The following SHOX variants were observed in gnomAD, a reference collection of about 807,000 sequenced individuals.
SHOX encodes the protein SHOX homeobox.
In SHOX, 12 loss-of-function variants were observed where a neutral mutation model predicts 29.6. The observed-to-expected ratio is 0.41, with a 90% CI of 0.26 to 0.66. The LOEUF is 0.66. Ranked by LOEUF, SHOX falls within the 30% of genes least tolerant of loss-of-function variation. SHOX has a pLI of 0.35. For missense variants in SHOX, 499 were observed against 437.7 expected (o/e 1.14, Z -1.25); for synonymous variants, 214 against 200.6 (o/e 1.07, Z -0.57).
chrX:655,557 ACTCTCTCTCTGTCT>A (rs1387536582), downstream of SHOX, among the ~76,000 whole-genome samples: 5 of 107,994 alleles, frequency 4.6e-5, no homozygotes, highest in Admixed American at 9.6e-5. Context: ...AGCAAAAAGG[ACTCTCTCTCTGTCT>A]CTCTCTCTCT....
intron 1 of SHOX, among the ~76,000 whole-genome samples, chrX:633,380 G>A (rs2052682274): frequency 1.3e-5 from 2 of 151,790 alleles, no homozygotes; most frequent in African/African-American, 4.8e-5. Context: ...TTCACTTGGG[G>A]GGAAGGAATG....
intron 1 of SHOX, among the ~76,000 whole-genome samples, chrX:632,562 G>C (rs1276058601): frequency 6.6e-6 from 1 of 152,120 alleles, no homozygotes; most frequent in Non-Finnish European, 1.5e-5. Context: ...CCTGCTCTCC[G>C]GGGCCCTGCA....
chrX:631,083 C>T lies in SHOX; in HGVS notation c.186C>T (p.Gly62=), dbSNP rs1179735556. 6.2e-7 allele frequency: 1 copy of T among 1,613,610 alleles called. No individual in the cohort carries two copies. The highest frequency in any genetic ancestry group is 1.7e-5 in the Admixed American group (1 of 60,002). Residue 62 remains glycine (G), a synonymous_variant, in exon 1 of 5, where the codon GGC becomes GGT. Coordinates refer to ENST00000686671, the MANE Select transcript of SHOX (RefSeq NM_000451.4). ...CCAGCCTCCAGGACATCACGGAGGG[C>T]GGCGGCCACTGCCCGGTGCATTTGT... The part of the protein sequence containing the change: ...SDSSLQDITE[G]GGHCPVHLFK...
upstream of SHOX, chrX:630,541 C>T (rs1477401270): frequency 3.5e-5 from 15 of 426,476 alleles, no homozygotes; most frequent in South Asian, 1.0e-4. Flanking sequence ...GGCGCCTGCG[C>T]CCCCCTCCTG....
chrX:644,473 T>G lies in SHOX; in HGVS notation c.716T>G (p.Leu239Arg). ...HPHLAAHAPY[L>R]MFPPPPFGLP... Reference sequence around the variant, plus strand: ...CACCTGGCGGCGCACGCGCCCTACCTGATGTTCCCCCCGCCGCCCTTCGGG... The same window carrying G: ...CACCTGGCGGCGCACGCGCCCTACCGGATGTTCCCCCCGCCGCCCTTCGGG... The change falls in exon 5 of 5, where the codon CTG (leucine) becomes CGG (arginine). Residue 239 changes from leucine (L) to arginine (R), a missense_variant. Coordinates refer to ENST00000686671, the MANE Select transcript of SHOX (RefSeq NM_000451.4). The G allele has an allele frequency of 6.6e-7, 1 of 1,524,500 alleles. No homozygotes were observed. Among genetic ancestry groups the G allele is most frequent in the Non-Finnish European group, 8.7e-7 (1 of 1,143,356 alleles). The allele number at this position is 1,524,500 out of a possible 1,614,324, so 94.4% of individuals were successfully genotyped here.
In SHOX at chrX:649,058, G is replaced by A. The variant is rs768451743; in HGVS notation, c.*4422G>A. 8.6e-5 allele frequency among the ~76,000 whole-genome samples: 11 copies of A among 127,798 alleles called. No individual in the cohort carries two copies. The highest frequency in any genetic ancestry group is 2.8e-4 in the Admixed American group (3 of 10,736). 83.8% of individuals were successfully genotyped at this position (127,798 alleles called of 152,430 possible). A position where few individuals can be genotyped will look rare whatever the true frequency, so the allele number is the denominator to read the frequency against. ...CTTTTTCTTTCTTCTTTCTTTCTTCGATGAAGTCTCACTCTGTCACCCAGG... is the reference window on the plus strand; with the variant it reads ...CTTTTTCTTTCTTCTTTCTTTCTTCAATGAAGTCTCACTCTGTCACCCAGG... On this transcript the variant is annotated 3_prime_UTR_variant, in exon 5 of 5. Transcript: ENST00000686671.
exon 1 of SHOX, chrX:624,423 C>T (rs1214732698): frequency 3.3e-5 from 5 of 151,144 alleles, no homozygotes. Flanking sequence ...TTCGTTTCCG[C>T]GCGTCTCTTT....
exon 6 of SHOX, chrX:659,365 G>C (rs972358754): frequency 6.6e-6 from 1 of 152,124 alleles, no homozygotes; most frequent in Non-Finnish European, 1.5e-5. Context: ...AGAATTACAA[G>C]CATGAACCAC....
upstream of SHOX, among the ~76,000 whole-genome samples, chrX:626,422 TGTC>T (rs2052535465): frequency 1.7e-5 from 2 of 116,468 alleles, no homozygotes; most frequent in Admixed American, 8.3e-5. Flanking sequence ...TCTTTCTCTC[TGTC>T]TTCGTTCCTC....
rs868847902 is a variant in SHOX at position 650,275 on chromosome X, G to A, written c.*5639G>A. ...GCGACGGGCTTGGTGTCTCCCGTAC[G>A]GGAAGGAGGCCTTTGGGCCGCTCCA... On this transcript the variant is annotated 3_prime_UTR_variant, in exon 5 of 5. Coordinates refer to ENST00000686671, the MANE Select transcript of SHOX (RefSeq NM_000451.4). 1.1e-4 allele frequency among the ~76,000 whole-genome samples: 17 copies of A among 152,216 alleles called. No homozygotes were observed. Among genetic ancestry groups the A allele is most frequent in the African/African-American group, 2.7e-4 (11 of 41,474 alleles).
intron 2 of SHOX, 143 bp downstream of exon 2, chrX:634,969 G>A (rs1190327942): frequency 2.1e-4 from 172 of 801,556 alleles, no homozygotes; most frequent in Non-Finnish European, 3.1e-4. Context: ...GACGGGCTGG[G>A]GTTCCTGGAC....
upstream of SHOX, among the ~76,000 whole-genome samples, chrX:627,791 GGGAAAGCCTGGGCCTCACGGGACCCCCCA>G (rs1258242033): frequency 6.6e-6 from 1 of 152,148 alleles, no homozygotes; most frequent in African/African-American, 2.4e-5. Flanking sequence ...CCTCAGGTCG[GGGAAAGCCTGGGCCTCACGGGACCCCCCA>G]GGAAAGCCTG....
chrX:631,822 G>A (rs1409403352), intron 1 of SHOX: 7 of 443,804 alleles, frequency 1.6e-5, no homozygotes, highest in South Asian at 9.3e-5. Flanking sequence ...GTGAGGCACC[G>A]CGCCCGGCCT....
intron 4 of SHOX, 33 bp downstream of exon 4, chrX:641,120 A>C: frequency 6.3e-7 from 1 of 1,593,636 alleles, no homozygotes; most frequent in South Asian, 1.1e-5. Flanking sequence ...GAAGATCCCT[A>C]GGGACCTGCT....
rs2052635862 is a variant in SHOX at position 630,947 on chromosome X, A to G, written c.50A>G (p.Lys17Arg). 6.2e-7 allele frequency: 1 copy of G among 1,613,714 alleles called. No individual in the cohort carries two copies. Among genetic ancestry groups the G allele is most frequent in the South Asian group, 1.1e-5 (1 of 91,082 alleles). The change falls in exon 1 of 5, where the codon AAG (lysine) becomes AGG (arginine). Residue 17 changes from lysine (K) to arginine (R), a missense_variant. Physicochemically the swap from Lys to Arg is conservative, Grantham distance 26 (BLOSUM62 2). Coordinates refer to ENST00000686671, the MANE Select transcript of SHOX (RefSeq NM_000451.4). ...FVSKSFDQKSKDGNGGGGGGG... is the reference protein window; with the variant it reads ...FVSKSFDQKSRDGNGGGGGGG... Reference sequence around the variant, plus strand: ...TCCAAGTCTTTTGACCAGAAAAGCAAGGACGGTAACGGCGGAGGCGGAGGC... The same window carrying G: ...TCCAAGTCTTTTGACCAGAAAAGCAGGGACGGTAACGGCGGAGGCGGAGGC...
intron 3 of SHOX, 57 bp from the exon 4 acceptor site, chrX:640,942 C>T (rs377660818): frequency 3.8e-4 from 611 of 1,613,038 alleles, no homozygotes; most frequent in Non-Finnish European, 4.6e-4. Flanking sequence ...ATGGGGTCGA[C>T]GAGGTGCTGG....
chrX:625,273 A>G (rs145780030), intron 1 of SHOX, among the ~76,000 whole-genome samples: 1,701 of 131,490 alleles, frequency 0.013, 31 homozygotes, highest in African/African-American at 0.045. Context: ...TCCCTCTGCC[A>G]TTTGTCTCTT....
At position 646,913 on chromosome X, in the gene SHOX, G is replaced by A. The variant is rs1351486179; in HGVS notation, c.*2277G>A. On this transcript the variant is annotated 3_prime_UTR_variant, in exon 5 of 5. Coordinates refer to ENST00000686671, the MANE Select transcript of SHOX (RefSeq NM_000451.4). ...CATTCATCAGAGTATGTAACCCTTT[G>A]GAAAAGTGGTTGGTAAGATATGTAC... is the stretch of plus-strand genomic sequence containing the variant. 2.6e-5 allele frequency: 4 copies of A among 151,534 alleles called. No homozygotes were observed. The highest frequency in any genetic ancestry group is 9.7e-5 in the African/African-American group (4 of 41,214). The allele number at this position is 151,534 out of a possible 1,614,324, so 9.4% of individuals were successfully genotyped here.
chrX:649,115 G>GCATCCTCTA lies in SHOX; in HGVS notation c.*4481_*4489dup, dbSNP rs2053014052. Among the ~76,000 whole-genome samples, 1 of 151,472 alleles carries GCATCCTCTA rather than the reference G, an allele frequency of 6.6e-6. No homozygotes were observed. The highest frequency in any genetic ancestry group is 2.1e-4 in the South Asian group (1 of 4,796). On this transcript the variant is annotated 3_prime_UTR_variant, in exon 5 of 5. Coordinates refer to ENST00000686671, the MANE Select transcript of SHOX (RefSeq NM_000451.4). Reference sequence around the variant, plus strand: ...TGCAGTGGTGCAATCCCAGCTCACTGCATCCTCTACCTCCTGGCTTCAAGA... The same window carrying GCATCCTCTA: ...TGCAGTGGTGCAATCCCAGCTCACTGCATCCTCTACATCCTCTACCTCCTGGCTTCAAGA...
Sources: gnomAD v4.1 joint callset for allele counts (sites outside exome capture counted in the v4.1 genomes callset) on GRCh38, gnomAD v4.1.1 for gene constraint, MANE v1.5 for transcripts, NCBI Gene and HGNC (gene_info 2026-07-23, HGNC 2026-07-21) for gene names.